The following PTPRT variants were observed in gnomAD, a reference collection of about 807,000 sequenced individuals.
PTPRT encodes receptor-type tyrosine-protein phosphatase T.
In PTPRT, 56 loss-of-function variants were observed where a neutral mutation model predicts 176.8. That is an observed-to-expected ratio of 0.32 (90% CI 0.26 to 0.40). The LOEUF (loss-of-function observed/expected upper bound fraction) is 0.40. Among genes scored for constraint, PTPRT ranks in the 10% least tolerant of loss-of-function variants. The pLI is 1.00. For synonymous variants in PTPRT, 783 were observed against 739.0 expected (o/e 1.06, Z -0.96); for missense variants, 1,540 against 1,908.2 (o/e 0.81, Z 3.60).
chr20:43,001,166 GACAAAGATGAAGAA>G (rs1813795222), intron 1 of PTPRT, among the ~76,000 whole-genome samples: 1 of 152,024 alleles, frequency 6.6e-6, no homozygotes, highest in Non-Finnish European at 1.5e-5. Context: ...GAAAAGAAGA[GACAAAGATGAAGAA>G]CATATTCTCA....
chr20:42,697,292 T>G (rs4810364), intron 6 of PTPRT, among the ~76,000 whole-genome samples: 55,945 of 151,828 alleles, frequency 0.37, 11,389 homozygotes, highest in African/African-American at 0.55. Flanking sequence ...TTACTGTTAT[T>G]GAAGGACACT....
chr20:43,064,263 C>T (rs186073170), intron 1 of PTPRT, among the ~76,000 whole-genome samples: 1 of 152,236 alleles, frequency 6.6e-6, no homozygotes, highest in East Asian at 1.9e-4. Flanking sequence ...CTCTAGTTTC[C>T]CATCACCAGT....
At chr20:42,229,427 T>G (rs1333350582) in intron 15 of PTPRT, among the ~76,000 whole-genome samples, 1 of 152,256 alleles carries the variant, frequency 6.6e-6, no homozygotes, top group African/African-American at 2.4e-5. Context: ...TTAAATGGTT[T>G]TCTTCTATTC....
intron 8 of PTPRT, among the ~76,000 whole-genome samples, chr20:42,465,380 T>G (rs1017620081): frequency 6.6e-6 from 1 of 152,184 alleles, no homozygotes; most frequent in Non-Finnish European, 1.5e-5. Context: ...CAGTATTATT[T>G]ATGATAGTAA....
At chr20:42,856,679 T>C (rs1051552537) in intron 2 of PTPRT, among the ~76,000 whole-genome samples, 1 of 151,930 alleles carries the variant, frequency 6.6e-6, no homozygotes, top group Non-Finnish European at 1.5e-5. Flanking sequence ...TTCCTGAACA[T>C]GTGACGGCAC....
At chr20:43,182,597 A>G (rs2015287782) in intron 1 of PTPRT, among the ~76,000 whole-genome samples, 1 of 151,984 alleles carries the variant, frequency 6.6e-6, no homozygotes, top group Admixed American at 6.6e-5. Context: ...CGTCATGTTG[A>G]CCAGGCTGGT....
chr20:43,077,800 T>A (rs2011318294), intron 1 of PTPRT, among the ~76,000 whole-genome samples: 1 of 152,196 alleles, frequency 6.6e-6, no homozygotes, highest in Non-Finnish European at 1.5e-5. Flanking sequence ...TGGCTTGTGG[T>A]GTGGAACAAT....
intron 6 of PTPRT, among the ~76,000 whole-genome samples, chr20:42,689,114 G>T (rs1460625138): frequency 6.6e-6 from 1 of 152,184 alleles, no homozygotes; most frequent in African/African-American, 2.4e-5. Context: ...ACAGAGCTAA[G>T]TCAGCACAGA....
chr20:43,075,990 T>C (rs990773), intron 1 of PTPRT, among the ~76,000 whole-genome samples: 102,522 of 152,054 alleles, frequency 0.67, 35,376 homozygotes, highest in East Asian at 0.82. Context: ...GAACCCCTGG[T>C]CAGAGGCTTA....
chr20:42,596,815 G>C (rs2073679467), intron 7 of PTPRT, among the ~76,000 whole-genome samples: 1 of 152,192 alleles, frequency 6.6e-6, no homozygotes, highest in Admixed American at 6.5e-5. Flanking sequence ...AAATGTAAGA[G>C]GTTGGCAACA....
At chr20:42,893,867 G>A (rs1427386685) in intron 1 of PTPRT, among the ~76,000 whole-genome samples, 3 of 151,748 alleles carry the variant, frequency 2.0e-5, no homozygotes, top group Non-Finnish European at 1.5e-5. Flanking sequence ...GTTGTGGGGT[G>A]GGGGGAGTGG....
chr20:42,515,977 C>T (rs1332124320), intron 7 of PTPRT, among the ~76,000 whole-genome samples: 1 of 148,836 alleles, frequency 6.7e-6, no homozygotes. Context: ...AATTGGAAAT[C>T]ATCATTCTCA....
rs1373217199 is a variant in PTPRT at position 43,189,417 on chromosome 20, AAC to A, written c.88+227_88+228del. 1.3e-5 allele frequency among the ~76,000 whole-genome samples: 2 copies of A among 152,084 alleles called. No homozygotes were observed. ...GGGCCGGCAGGAAACTGAAGCGGGG[AAC>A]TTCGCCAAACGCGGGCTGCCGAGGG... is the stretch of plus-strand genomic sequence containing the variant. On this transcript the variant is annotated intron_variant, in intron 1 of 30. Transcript: ENST00000373187. The surrounding 1 kb of genome is among the most constrained non-coding windows in gnomAD (Gnocchi z 5.0).
At chr20:42,278,085 A>ATTTATATATATATT (rs1463596182) in intron 13 of PTPRT, among the ~76,000 whole-genome samples, 1 of 20,284 alleles carries the variant, frequency 4.9e-5, no homozygotes, top group African/African-American at 2.6e-4. Flanking sequence ...ATATATATAT[A>ATTTATATATATATT]TATATATATA....
At chr20:42,110,267 G>A (rs2146289606) in intron 23 of PTPRT, 66 bp downstream of exon 23, 1 of 1,464,542 alleles carries the variant, frequency 6.8e-7, no homozygotes, top group Non-Finnish European at 9.2e-7. Flanking sequence ...GGCCAGGCTG[G>A]TCTCGAACTC....
chr20:42,243,409 G>C (rs1309054664), intron 14 of PTPRT, among the ~76,000 whole-genome samples: 4 of 152,206 alleles, frequency 2.6e-5, no homozygotes, highest in African/African-American at 4.8e-5. Context: ...GTATGGCACA[G>C]TGGCTGCAGA....
intron 7 of PTPRT, among the ~76,000 whole-genome samples, chr20:42,633,786 T>A (rs112780844): frequency 0.022 from 202 of 9,088 alleles, 6 homozygotes; most frequent in South Asian, 0.08. Context: ...ACTCTGAAAA[T>A]ATATATATAT....
At chr20:42,620,199 C>T (rs1309008576) in intron 7 of PTPRT, among the ~76,000 whole-genome samples, 2 of 147,920 alleles carry the variant, frequency 1.4e-5, no homozygotes, top group South Asian at 2.2e-4. Flanking sequence ...AATACCCTGC[C>T]TTGTGAGGTG....
intron 1 of PTPRT, among the ~76,000 whole-genome samples, chr20:43,003,646 T>G (rs962265370): frequency 6.6e-6 from 1 of 152,250 alleles, no homozygotes; most frequent in Non-Finnish European, 1.5e-5. Context: ...TAAAAACTTT[T>G]AAGAAGTATC....
Sources: gnomAD v4.1 joint callset for allele counts (sites outside exome capture counted in the v4.1 genomes callset) on GRCh38, gnomAD v4.1.1 for gene constraint, Gnocchi (gnomAD v3.1) non-coding constraint, MANE v1.5 for transcripts, NCBI Gene and HGNC (gene_info 2026-07-23, HGNC 2026-07-21) for gene names.